Variants in EPHA4 observed in about 807,000 individuals in gnomAD.
The protein encoded by EPHA4 is EPH receptor A4, also known as ephrin type-A receptor 4.
EPHA4 carries 19 observed loss-of-function variants against 108.3 expected under a neutral mutation model. That is an observed-to-expected ratio of 0.18 (90% CI 0.12 to 0.26). EPHA4 has a LOEUF of 0.26. Ranked by LOEUF, EPHA4 falls within the 10% of genes least tolerant of loss-of-function variation. The pLI is 1.00. For synonymous variants in EPHA4, 449 were observed against 455.5 expected, an observed-to-expected ratio of 0.99 and a Z score of 0.18; for missense variants, 917 against 1,254.0, an observed-to-expected ratio of 0.73 and a Z score of 4.06.
At chr2:221,547,905 T>C (rs914750047) in intron 3 of EPHA4, among the ~76,000 whole-genome samples, 1 of 152,188 alleles carries the variant, frequency 6.6e-6, no homozygotes, top group African/African-American at 2.4e-5. Context: ...TTAAAACTGG[T>C]AGAGCACTTG....
At chr2:221,467,796 T>C (rs996236780) in intron 5 of EPHA4, among the ~76,000 whole-genome samples, 1 of 152,206 alleles carries the variant, frequency 6.6e-6, no homozygotes, top group African/African-American at 2.4e-5. Context: ...ACTTTCTACT[T>C]GCTTACTAAG....
At chr2:221,572,315 A>G, upstream of EPHA4, 1 of 1,433,638 alleles carries the variant, frequency 7.0e-7, no homozygotes, top group Non-Finnish European at 9.8e-7. Context: ...AAGTTAGGAG[A>G]GCAGCGGGCT....
intron 3 of EPHA4, among the ~76,000 whole-genome samples, chr2:221,510,092 G>A (rs1036889789): frequency 5.9e-5 from 9 of 152,172 alleles, no homozygotes; most frequent in African/African-American, 2.2e-4. Flanking sequence ...TGCAAGAGGG[G>A]AAGATGGAAA....
At chr2:221,568,585 A>C in intron 2 of EPHA4, 133 bp downstream of exon 2, 34 of 567,408 alleles carry the variant, frequency 6.0e-5, no homozygotes, top group Non-Finnish European at 7.3e-5. Context: ...ACAAAGCGTA[A>C]TTCACTTCAT....
chr2:221,448,810 A>G lies in EPHA4; in HGVS notation c.1716-2629T>C, dbSNP rs1690678848. ...GAAGGAAAAACAAATGCATAGAGTG[A>G]GAAAGCTTTGGTACCAACTTAAAAT... is the stretch of plus-strand genomic sequence containing the variant. On this transcript the variant is annotated intron_variant, in intron 8 of 17. Transcript: ENST00000281821. 2.0e-5 allele frequency among the ~76,000 whole-genome samples: 3 copies of G among 152,328 alleles called. No individual in the cohort carries two copies. In the South Asian group the frequency reaches 6.2e-4, roughly 32 times the overall value.
Position 221,442,850 on chromosome 2 carries a change from A to C in EPHA4, c.2053T>G (p.Leu685Val). ...GTACATTTAGTGACCACGCCTTCCAAGTGAATGATGTTCGGATGGTCAAAC... is the reference window on the plus strand; with the variant it reads ...GTACATTTAGTGACCACGCCTTCCACGTGAATGATGTTCGGATGGTCAAAC... Reference protein sequence around the residue: ...GQFDHPNIIHLEGVVTKCKPV... With the variant: ...GQFDHPNIIHVEGVVTKCKPV... The change falls in exon 11 of 18, where the codon TTG becomes GTG. Residue 685 changes from leucine to valine, a missense_variant. Physicochemically the swap from Leu to Val is conservative, Grantham distance 32. Transcript: ENST00000281821. 6.2e-7 allele frequency: 1 copy of C among 1,614,138 alleles called. No homozygotes were observed. The highest frequency in any genetic ancestry group is 8.5e-7 in the Non-Finnish European group (1 of 1,180,002).
Position 221,440,389 on chromosome 2 carries a change from A to G in EPHA4, c.2074+2440T>C, listed in dbSNP as rs1690381527. On this transcript the variant is annotated intron_variant, in intron 11 of 17. Coordinates refer to ENST00000281821, the MANE Select transcript of EPHA4 (RefSeq NM_004438.5). Reference sequence around the variant, plus strand: ...CGACAGGAAAAACACCCTAAGCTGAACAGAGCCTCCTTTTTAGAAAACGGA... The same window carrying G: ...CGACAGGAAAAACACCCTAAGCTGAGCAGAGCCTCCTTTTTAGAAAACGGA... Among the ~76,000 whole-genome samples the G allele has an allele frequency of 2.0e-5, 3 of 152,292 alleles. No homozygotes were observed. In the South Asian group the frequency reaches 6.2e-4, roughly 32 times the overall value.
chr2:221,521,509 A>G (rs1693164045), intron 3 of EPHA4, among the ~76,000 whole-genome samples: 1 of 152,170 alleles, frequency 6.6e-6, no homozygotes, highest in African/African-American at 2.4e-5. Context: ...AAGCAATTGG[A>G]GAGACAGGTC....
intron 3 of EPHA4, among the ~76,000 whole-genome samples, chr2:221,508,580 A>G (rs1395853786): frequency 8.3e-6 from 1 of 120,102 alleles, no homozygotes; most frequent in Non-Finnish European, 1.9e-5. Flanking sequence ...CTCTGTCTCA[A>G]AACAGGAAAA....
intron 14 of EPHA4, among the ~76,000 whole-genome samples, chr2:221,430,484 C>T (rs1029754406): frequency 1.3e-5 from 2 of 152,152 alleles, no homozygotes; most frequent in Admixed American, 1.3e-4. Flanking sequence ...CCTCCAGTCC[C>T]CTGCCCCGCT....
In EPHA4 at chr2:221,431,578, T is replaced by C. The variant is rs59736539; in HGVS notation, c.2497-1427A>G. 1.6e-4 allele frequency among the ~76,000 whole-genome samples: 24 copies of C among 152,348 alleles called. No homozygotes were observed. In the East Asian group the frequency reaches 4.6e-3, roughly 29 times the overall value. ...TGCTGTCTTATTGAACCTTATTCTA[T>C]TTGTTTCTAGCAATTACACTACGTC... On this transcript the variant is annotated intron_variant, in intron 14 of 17. Coordinates refer to ENST00000281821, the MANE Select transcript of EPHA4 (RefSeq NM_004438.5).
chr2:221,539,072 TAC>T (rs1559285068), intron 3 of EPHA4, among the ~76,000 whole-genome samples: 1 of 152,164 alleles, frequency 6.6e-6, no homozygotes, highest in Non-Finnish European at 1.5e-5. Context: ...GAGCCCAGCC[TAC>T]ACTCCTTTTA....
chr2:221,477,046 T>TTTA (rs140420658), intron 5 of EPHA4, among the ~76,000 whole-genome samples: 1,652 of 149,002 alleles, frequency 0.011, 17 homozygotes, highest in African/African-American at 0.034. Context: ...GCCACTTTAT[T>TTTA]TTATTATTAT....
At chr2:221,482,716 C>T in intron 4 of EPHA4, 26 bp from the exon 5 acceptor site, 2 of 1,547,216 alleles carry the variant, frequency 1.3e-6, no homozygotes, top group Non-Finnish European at 1.8e-6. Context: ...CACATCATCA[C>T]ACCAAGAACC....
chr2:221,429,125 T>C (rs894037635), intron 15 of EPHA4, among the ~76,000 whole-genome samples: 6 of 152,088 alleles, frequency 3.9e-5, no homozygotes, highest in Admixed American at 6.5e-5. Context: ...CAGGCCTGAG[T>C]CACCTGGTCT....
intron 3 of EPHA4, among the ~76,000 whole-genome samples, chr2:221,534,003 A>T (rs1408831591): frequency 6.6e-6 from 1 of 152,192 alleles, no homozygotes; most frequent in Non-Finnish European, 1.5e-5. Context: ...CACTTAAGGA[A>T]ATAAAATATA....
At chr2:221,565,490 C>T (rs1002287212) in intron 2 of EPHA4, among the ~76,000 whole-genome samples, 1 of 152,032 alleles carries the variant, frequency 6.6e-6, no homozygotes, top group Non-Finnish European at 1.5e-5. Context: ...TTAGAAGGAA[C>T]AAGAGATAGT....
At position 221,472,828 on chromosome 2, in the gene EPHA4, T is replaced by C. The variant is rs145021913; in HGVS notation, c.1318+9524A>G. On this transcript the variant is annotated intron_variant, in intron 5 of 17. Transcript: ENST00000281821. Reference sequence around the variant, plus strand: ...ATTTCAGGGAGTGGTCCCTGTACTTTTTCATAACAAAACAAAACCCAAAAG... The same window carrying C: ...ATTTCAGGGAGTGGTCCCTGTACTTCTTCATAACAAAACAAAACCCAAAAG... Among the ~76,000 whole-genome samples the C allele has an allele frequency of 8.9e-4, 135 of 152,326 alleles. No homozygotes were observed. In the East Asian group the frequency reaches 0.019, roughly 22 times the overall value.
chr2:221,421,299 CA>C (rs558743676), intron 17 of EPHA4, among the ~76,000 whole-genome samples: 17 of 121,574 alleles, frequency 1.4e-4, no homozygotes, highest in African/African-American at 4.0e-4. Flanking sequence ...GACTCTGTCT[CA>C]AAAAAAAAAG....
Sources: allele counts gnomAD v4.1 joint callset (sites outside exome capture counted in the v4.1 genomes callset), GRCh38; gene constraint gnomAD v4.1.1; transcripts MANE v1.5; gene names NCBI Gene and HGNC (gene_info 2026-07-23, HGNC 2026-07-21).